Variants in CDON observed in about 807,000 individuals in gnomAD.
The protein encoded by CDON is cell adhesion molecule-related/down-regulated by oncogenes.
Under a neutral mutation model 120.9 loss-of-function variants are expected in CDON, and 73 were observed. That is an observed-to-expected ratio of 0.60 (90% CI 0.50 to 0.73). The LOEUF (loss-of-function observed/expected upper bound fraction) is 0.73, where lower values mean the gene tolerates loss of function less well. Ranked by LOEUF, CDON falls within the 30% of genes least tolerant of loss-of-function variation. The pLI is 0.00. For missense variants in CDON, 1,470 were observed against 1,587.3 expected, an observed-to-expected ratio of 0.93 and a Z score of 1.26; for synonymous variants, 566 against 573.5, an observed-to-expected ratio of 0.99 and a Z score of 0.19.
At chr11:125,964,338 G>A (rs772466242) in intron 18 of CDON, among the ~76,000 whole-genome samples, 2 of 152,186 alleles carry the variant, frequency 1.3e-5, no homozygotes, top group Non-Finnish European at 2.9e-5. Flanking sequence ...GTCAGACATC[G>A]TGGTAGGCAC....
chr11:126,042,939 T>C (rs146578939), intron 1 of CDON, among the ~76,000 whole-genome samples: 3 of 152,286 alleles, frequency 2.0e-5, no homozygotes, highest in African/African-American at 4.8e-5. Context: ...ACATACATTA[T>C]TGAGGCAGGA....
intron 12 of CDON, among the ~76,000 whole-genome samples, chr11:125,995,773 CA>C (rs1946761852): frequency 6.6e-6 from 1 of 152,228 alleles, no homozygotes; most frequent in Non-Finnish European, 1.5e-5. Flanking sequence ...GCTTCAACCA[CA>C]TTTAAAACTG....
rs200961603 is a variant in CDON at position 126,003,988 on chromosome 11, G to A, written c.1940C>T (p.Pro647Leu). 1.6e-4 allele frequency: 264 copies of A among 1,613,840 alleles called. 2 individuals are homozygous for A. Among genetic ancestry groups the A allele is most frequent in the Non-Finnish European group, 2.6e-5 (31 of 1,179,974 alleles). ...ENELHLAELEPSSLYEVLMVA... is the reference protein window; with the variant it reads ...ENELHLAELELSSLYEVLMVA... Reference sequence around the variant, plus strand: ...CATCAAGACTTCATAAAGACTAGATGGCTCCAGCTCAGCTAAATGGAGCTC... The same window carrying A: ...CATCAAGACTTCATAAAGACTAGATAGCTCCAGCTCAGCTAAATGGAGCTC... The change falls in exon 10 of 20, where the codon CCA becomes CTA. Residue 647 changes from proline to leucine, a missense_variant. Physicochemically the swap from Pro to Leu is moderately conservative, Grantham distance 98. Coordinates refer to ENST00000531738, the MANE Select transcript of CDON (RefSeq NM_001378964.1).
At chr11:126,023,576 A>G in intron 1 of CDON, 39 bp from the exon 2 acceptor site, 3 of 903,408 alleles carry the variant, frequency 3.3e-6, no homozygotes, top group Non-Finnish European at 5.5e-6. Flanking sequence ...AACCATTGAA[A>G]TCTTTCGTCT....
At chr11:126,040,238 A>C (rs1948219291) in intron 1 of CDON, among the ~76,000 whole-genome samples, 1 of 152,154 alleles carries the variant, frequency 6.6e-6, no homozygotes, top group East Asian at 1.9e-4. Context: ...AATTGCTCTA[A>C]AAAATAACTT....
chr11:126,057,607 T>C (rs1386856095), intron 1 of CDON, among the ~76,000 whole-genome samples: 1 of 152,238 alleles, frequency 6.6e-6, no homozygotes, highest in Non-Finnish European at 1.5e-5. Flanking sequence ...TATATCTCCA[T>C]CTGGGTACTG....
At chr11:125,982,721 G>C (rs992933254) in intron 16 of CDON, among the ~76,000 whole-genome samples, 10 of 152,124 alleles carry the variant, frequency 6.6e-5, no homozygotes, top group Non-Finnish European at 1.5e-4. Flanking sequence ...TCACAAAGTA[G>C]GATGACTTTA....
intron 18 of CDON, among the ~76,000 whole-genome samples, chr11:125,962,904 A>G (rs183401235): frequency 6.6e-6 from 1 of 152,278 alleles, no homozygotes; most frequent in African/African-American, 2.4e-5. Context: ...GCTTAAAGTC[A>G]TTATCTGCTA....
intron 14 of CDON, among the ~76,000 whole-genome samples, chr11:125,991,030 A>G (rs1946619551): frequency 6.6e-6 from 1 of 152,094 alleles, no homozygotes; most frequent in Non-Finnish European, 1.5e-5. Context: ...GTCTTTCCCA[A>G]CCCAGCCCTA....
At chr11:126,023,595 G>T in intron 1 of CDON, 58 bp from the exon 2 acceptor site, 2 of 792,662 alleles carry the variant, frequency 2.5e-6, no homozygotes, top group East Asian at 2.5e-5. Context: ...CTGAGCAGCT[G>T]GAGCTGTGAG....
chr11:125,983,958 C>A lies in CDON; in HGVS notation c.2909G>T (p.Gly970Val). Residue 970 changes from glycine (G) to valine (V), a missense_variant, in exon 16 of 20, where the codon GGC becomes GTC. Transcript: ENST00000531738. ...GAGGACCATGACGCCCAGCACACAG[C>A]CAACGATCAGATATAACATGTCACT... ...RSSDMLYLIV[G>V]CVLGVMVLIL... is the part of the protein sequence containing the mutation. The A allele has an allele frequency of 6.2e-7, 1 of 1,614,134 alleles. No homozygotes were observed. Among genetic ancestry groups the A allele is most frequent in the Non-Finnish European group, 8.5e-7 (1 of 1,180,014 alleles).
chr11:125,982,076 C>T (rs1280549642), intron 16 of CDON, among the ~76,000 whole-genome samples: 1 of 142,744 alleles, frequency 7.0e-6, no homozygotes, highest in Admixed American at 7.4e-5. Context: ...CTCTGCCTCC[C>T]GGGTTCAAGC....
chr11:125,971,176 G>A (rs1490583439), intron 18 of CDON, among the ~76,000 whole-genome samples: 2 of 152,094 alleles, frequency 1.3e-5, no homozygotes, highest in Admixed American at 6.5e-5. Flanking sequence ...GAGGTCAGGA[G>A]ACCAAGACCA....
intron 10 of CDON, among the ~76,000 whole-genome samples, chr11:126,003,383 C>T (rs1947012240): frequency 6.6e-6 from 1 of 152,142 alleles, no homozygotes; most frequent in African/African-American, 2.4e-5. Context: ...TCCTCATTGC[C>T]TTGTATAACA....
rs1161295577 is a variant in CDON, at chr11:126,034,871, T to C, written c.-61-11334A>G. ...GCTTTATGGGAAAAAATAACCGTTA[T>C]GGTAACCACAAAACAAATGCTAAAA... is the stretch of plus-strand genomic sequence containing the variant. On this transcript the variant is annotated intron_variant, in intron 1 of 19. Transcript: ENST00000531738. The surrounding 1 kb of genome is among the most constrained non-coding windows in gnomAD (Gnocchi z 4.5). Among the ~76,000 whole-genome samples the C allele has an allele frequency of 1.3e-5, 2 of 152,218 alleles. No individual in the cohort carries two copies. The highest frequency in any genetic ancestry group is 2.4e-5 in the African/African-American group (1 of 41,466).
intron 15 of CDON, among the ~76,000 whole-genome samples, chr11:125,988,850 A>G (rs561233695): frequency 6.6e-6 from 1 of 152,178 alleles, no homozygotes; most frequent in South Asian, 2.1e-4. Flanking sequence ...TAGAAGTTAC[A>G]TATCTGTCAT....
At chr11:126,041,154 T>C (rs1948252026) in intron 1 of CDON, among the ~76,000 whole-genome samples, 1 of 144,246 alleles carries the variant, frequency 6.9e-6, no homozygotes, top group Non-Finnish European at 1.5e-5. Context: ...ATCGTGCCAC[T>C]GCACTCCAGC....
In CDON at chr11:125,983,927, C is replaced by A; in HGVS notation, c.2940G>T (p.Leu980=). The change falls in exon 16 of 20, where the codon CTG becomes CTT. Residue 980 remains leucine (L), a synonymous_variant. Transcript: ENST00000531738. ...GCVLGVMVLI[L]MVFIAMCLWK... ...ACAGGCACATTGCAATGAAAACCATCAGAATGAGGACCATGACGCCCAGCA... is the reference window on the plus strand; with the variant it reads ...ACAGGCACATTGCAATGAAAACCATAAGAATGAGGACCATGACGCCCAGCA... 1 of 1,614,088 alleles carries A rather than the reference C, an allele frequency of 6.2e-7. No homozygotes were observed. Among genetic ancestry groups the A allele is most frequent in the Non-Finnish European group, 8.5e-7 (1 of 1,180,022 alleles).
rs566343611 is a variant in CDON, at chr11:125,972,226, G to C, written c.3356+6078C>G. 1.2e-3 allele frequency among the ~76,000 whole-genome samples: 170 copies of C among 146,752 alleles called. 3 individuals carry two copies. In the South Asian group the frequency reaches 0.036, roughly 31 times the overall value. ...AGATCACATGAGGCCAGGAGTGCGA[G>C]ACCAGCCTAGCCAACATGGCAAAAC... On this transcript the variant is annotated intron_variant, in intron 18 of 19. Coordinates refer to ENST00000531738, the MANE Select transcript of CDON (RefSeq NM_001378964.1).
Sources: gnomAD v4.1 joint callset for allele counts (sites outside exome capture counted in the v4.1 genomes callset) on GRCh38, gnomAD v4.1.1 for gene constraint, Gnocchi (gnomAD v3.1) non-coding constraint, MANE v1.5 for transcripts, NCBI Gene and HGNC (gene_info 2026-07-23, HGNC 2026-07-21) for gene names.